The following PIP5K1B variants were observed in gnomAD, a reference collection of about 807,000 sequenced individuals.
The protein encoded by PIP5K1B is phosphatidylinositol-4-phosphate 5-kinase type 1 beta.
PIP5K1B carries 42 observed loss-of-function variants against 67.0 expected under a neutral mutation model. The observed-to-expected ratio is 0.63, with a 90% confidence interval of 0.49 to 0.81. PIP5K1B has a LOEUF of 0.81. Ranked by LOEUF, PIP5K1B falls within the 30% of genes least tolerant of loss-of-function variation. The probability of loss-of-function intolerance (pLI) is 0.00; values close to 1 mark genes in which losing one functional copy is unlikely to be tolerated. For missense variants in PIP5K1B, 459 were observed against 646.3 expected (o/e 0.71, Z 3.14); for synonymous variants, 214 against 231.4 (o/e 0.92, Z 0.68).
intron 2 of PIP5K1B, among the ~76,000 whole-genome samples, chr9:68,805,763 T>C (rs770528850): frequency 2.0e-5 from 3 of 152,196 alleles, no homozygotes; most frequent in Middle Eastern, 3.2e-3. Flanking sequence ...GGCAGCTTAT[T>C]GATAAAACAT....
intron 14 of PIP5K1B, among the ~76,000 whole-genome samples, chr9:68,971,969 A>G (rs1404530838): frequency 2.0e-5 from 3 of 152,116 alleles, no homozygotes; most frequent in Non-Finnish European, 4.4e-5. Flanking sequence ...TTCTTTTGCT[A>G]TGCAGGAGCT....
chr9:68,757,246 A>G (rs1829969187), intron 2 of PIP5K1B, among the ~76,000 whole-genome samples: 1 of 152,232 alleles, frequency 6.6e-6, no homozygotes, highest in African/African-American at 2.4e-5. Context: ...GCTAGTGGCT[A>G]TAGTATTTGG....
intron 2 of PIP5K1B, among the ~76,000 whole-genome samples, chr9:68,777,749 T>A (rs749671975): frequency 6.6e-6 from 1 of 152,262 alleles, no homozygotes; most frequent in Non-Finnish European, 1.5e-5. Context: ...ACGAACAATA[T>A]CTGGTACATT....
intron 2 of PIP5K1B, chr9:68,788,713 G>C (rs972665258): frequency 3.8e-6 from 1 of 262,926 alleles, no homozygotes; most frequent in Admixed American, 4.9e-5. Context: ...CTCACGTTTA[G>C]GACCCCTTTG....
intron 4 of PIP5K1B, among the ~76,000 whole-genome samples, chr9:68,829,760 T>C (rs1251921278): frequency 6.6e-6 from 1 of 152,254 alleles, no homozygotes; most frequent in African/African-American, 2.4e-5. Flanking sequence ...TTAATTAATA[T>C]CTACCCAAGC....
At chr9:68,759,314 G>A (rs1407839581) in intron 2 of PIP5K1B, among the ~76,000 whole-genome samples, 1 of 152,110 alleles carries the variant, frequency 6.6e-6, no homozygotes, top group Admixed American at 6.6e-5. Context: ...ATAAAGCAGG[G>A]AGTAAGGGGA....
intron 2 of PIP5K1B, chr9:68,780,805 C>G: frequency 6.2e-7 from 1 of 1,614,182 alleles, no homozygotes; most frequent in South Asian, 1.1e-5. Flanking sequence ...GAATATCAGC[C>G]AAAGAGATTT....
At chr9:68,970,550 T>C (rs940323388) in intron 14 of PIP5K1B, among the ~76,000 whole-genome samples, 1 of 152,254 alleles carries the variant, frequency 6.6e-6, no homozygotes, top group South Asian at 2.1e-4. Context: ...GATGGAACTT[T>C]TGTTCACCCA....
At chr9:68,856,914 C>G (rs893543652) in intron 4 of PIP5K1B, among the ~76,000 whole-genome samples, 1 of 152,218 alleles carries the variant, frequency 6.6e-6, no homozygotes, top group Admixed American at 6.5e-5. Context: ...CCAATAACTT[C>G]ACACACTTGG....
At chr9:68,846,838 A>G (rs1486735614) in intron 4 of PIP5K1B, among the ~76,000 whole-genome samples, 1 of 152,236 alleles carries the variant, frequency 6.6e-6, no homozygotes, top group Non-Finnish European at 1.5e-5. Context: ...AATTAAGAGG[A>G]GGAAGAATTA....
chr9:68,908,814 A>G (rs1437863107), intron 8 of PIP5K1B, among the ~76,000 whole-genome samples: 5 of 152,284 alleles, frequency 3.3e-5, no homozygotes, highest in South Asian at 2.1e-4. Flanking sequence ...TCTCCAGGAC[A>G]CTATTTTGAA....
intron 1 of PIP5K1B, among the ~76,000 whole-genome samples, chr9:68,723,484 A>G (rs1827991804): frequency 6.6e-6 from 1 of 151,654 alleles, no homozygotes; most frequent in Non-Finnish European, 1.5e-5. Flanking sequence ...CCCTTTCTCT[A>G]CATCCTCTCC....
At chr9:68,751,258 A>G (rs1304280866) in intron 2 of PIP5K1B, among the ~76,000 whole-genome samples, 1 of 152,236 alleles carries the variant, frequency 6.6e-6, no homozygotes, top group Non-Finnish European at 1.5e-5. Context: ...AAATGTTGGT[A>G]GTTGTAATTT....
chr9:68,737,432 C>T (rs1164752895), intron 1 of PIP5K1B, among the ~76,000 whole-genome samples: 1 of 152,168 alleles, frequency 6.6e-6, no homozygotes, highest in Non-Finnish European at 1.5e-5. Context: ...ATGATGTATG[C>T]AGAACTATGT....
intron 8 of PIP5K1B, among the ~76,000 whole-genome samples, chr9:68,905,957 C>T (rs1337675750): frequency 6.6e-6 from 1 of 152,164 alleles, no homozygotes; most frequent in Non-Finnish European, 1.5e-5. Flanking sequence ...GCCCTTCTAC[C>T]CTGCAACTGA....
chr9:68,727,042 A>G (rs1265447690), intron 1 of PIP5K1B, among the ~76,000 whole-genome samples: 1 of 152,146 alleles, frequency 6.6e-6, no homozygotes, highest in East Asian at 1.9e-4. Flanking sequence ...ATGAATGAAG[A>G]TAGTTTTACC....
At chr9:68,720,679 A>G (rs942793076) in intron 1 of PIP5K1B, among the ~76,000 whole-genome samples, 1 of 151,620 alleles carries the variant, frequency 6.6e-6, no homozygotes, top group Non-Finnish European at 1.5e-5. Context: ...ATACCTCCCT[A>G]TCTACCCGCT....
chr9:68,801,101 T>C (rs1168674218), intron 2 of PIP5K1B, among the ~76,000 whole-genome samples: 1 of 152,210 alleles, frequency 6.6e-6, no homozygotes, highest in African/African-American at 2.4e-5. Context: ...CATTGCTCTG[T>C]TCCCAGATGC....
intron 4 of PIP5K1B, among the ~76,000 whole-genome samples, chr9:68,841,445 A>T (rs1485815373): frequency 6.6e-6 from 1 of 152,234 alleles, no homozygotes; most frequent in African/African-American, 2.4e-5. Flanking sequence ...GAAGGAAATG[A>T]TATATGGAAA....
Sources: gnomAD v4.1 joint callset for allele counts (sites outside exome capture counted in the v4.1 genomes callset) on GRCh38, gnomAD v4.1.1 for gene constraint, MANE v1.5 for transcripts, NCBI Gene and HGNC (gene_info 2026-07-23, HGNC 2026-07-21) for gene names.